Variants in RNF144A observed in about 807,000 individuals in gnomAD.
The protein encoded by RNF144A is E3 ubiquitin-protein ligase RNF144A.
A neutral mutation model predicts 38.7 loss-of-function variants in RNF144A; 11 were observed. That is an observed-to-expected ratio of 0.28 (90% CI 0.18 to 0.47). The LOEUF (loss-of-function observed/expected upper bound fraction) is 0.47, where lower values mean the gene tolerates loss of function less well. RNF144A is among the 20% of genes least tolerant of loss of function. RNF144A has a pLI of 0.99. For missense variants in RNF144A, 316 were observed against 377.2 expected, an observed-to-expected ratio of 0.84 and a Z score of 1.34; for synonymous variants, 149 against 143.9, an observed-to-expected ratio of 1.04 and a Z score of -0.25.
intron 7 of RNF144A, among the ~76,000 whole-genome samples, chr2:7,028,052 C>T (rs1036068773): frequency 3.9e-5 from 6 of 152,130 alleles, no homozygotes; most frequent in African/African-American, 1.2e-4. Flanking sequence ...CCCCATAAGG[C>T]ACGATCCGGA....
chr2:7,070,717 G>A (rs1674442254), downstream of RNF144A, among the ~76,000 whole-genome samples: 1 of 152,124 alleles, frequency 6.6e-6, no homozygotes, highest in African/African-American at 2.4e-5. Flanking sequence ...TGCACTGAGA[G>A]CACGCCATAC....
chr2:6,969,650 C>T (rs966475428), intron 2 of RNF144A, among the ~76,000 whole-genome samples: 1 of 152,214 alleles, frequency 6.6e-6, no homozygotes, highest in Non-Finnish European at 1.5e-5. Context: ...GAGTATGAAA[C>T]GTTGAGTGCT....
At chr2:6,921,399 G>A (rs1382616151) in intron 1 of RNF144A, among the ~76,000 whole-genome samples, 1 of 152,194 alleles carries the variant, frequency 6.6e-6, no homozygotes, top group Non-Finnish European at 1.5e-5. Context: ...TGGAGGAGGT[G>A]GTTGATACTC....
At chr2:6,966,661 G>A (rs1437072230) in intron 2 of RNF144A, among the ~76,000 whole-genome samples, 1 of 152,204 alleles carries the variant, frequency 6.6e-6, no homozygotes, top group African/African-American at 2.4e-5. Context: ...TTGAAATACA[G>A]TAAATATTGG....
At chr2:6,974,555 T>C (rs192283077) in intron 2 of RNF144A, among the ~76,000 whole-genome samples, 34 of 152,112 alleles carry the variant, frequency 2.2e-4, no homozygotes, top group Admixed American at 4.6e-4. Context: ...GAATTAACAC[T>C]GCTTTTTTTT....
chr2:6,926,911 T>C (rs542203901), intron 1 of RNF144A, among the ~76,000 whole-genome samples: 44 of 152,202 alleles, frequency 2.9e-4, no homozygotes, highest in Non-Finnish European at 5.7e-4. Flanking sequence ...AGGTGAGGAC[T>C]TGCAGAGAGG....
chr2:6,987,842 T>C (rs1669052453), intron 2 of RNF144A, among the ~76,000 whole-genome samples: 1 of 152,250 alleles, frequency 6.6e-6, no homozygotes, highest in Non-Finnish European at 1.5e-5. Context: ...TACATTGAAA[T>C]GACTAAGAGC....
At chr2:6,990,154 T>A (rs1457282440) in intron 2 of RNF144A, among the ~76,000 whole-genome samples, 1 of 152,130 alleles carries the variant, frequency 6.6e-6, no homozygotes, top group Non-Finnish European at 1.5e-5. Context: ...CTTGCAGTTC[T>A]GGAGGCTGGA....
intron 6 of RNF144A, among the ~76,000 whole-genome samples, chr2:7,058,458 T>C (rs913378055): frequency 6.6e-6 from 1 of 152,054 alleles, no homozygotes; most frequent in African/African-American, 2.4e-5. Flanking sequence ...TTGAACATCA[T>C]AACTATCATC....
At chr2:6,967,212 C>T (rs1667725583) in intron 2 of RNF144A, among the ~76,000 whole-genome samples, 1 of 152,346 alleles carries the variant, frequency 6.6e-6, no homozygotes, top group East Asian at 1.9e-4. Flanking sequence ...CTTTACCCAT[C>T]ACTATGCATG....
downstream of RNF144A, among the ~76,000 whole-genome samples, chr2:7,045,232 C>G (rs377481910): frequency 1.3e-5 from 2 of 152,168 alleles, no homozygotes; most frequent in Admixed American, 1.3e-4. Flanking sequence ...CACAGTGTGC[C>G]GAACTCAGGA....
intron 2 of RNF144A, among the ~76,000 whole-genome samples, chr2:6,961,273 T>A (rs144663493): frequency 6.6e-6 from 1 of 152,324 alleles, no homozygotes; most frequent in Non-Finnish European, 1.5e-5. Flanking sequence ...ATTATCTTTA[T>A]GATAATAAAT....
intron 8 of RNF144A, among the ~76,000 whole-genome samples, chr2:7,038,516 G>C (rs1198720285): frequency 6.6e-6 from 1 of 152,194 alleles, no homozygotes. Flanking sequence ...TCTGGGTCAG[G>C]GTGGCTGCTG....
chr2:6,940,383 C>T (rs546953303), intron 1 of RNF144A, among the ~76,000 whole-genome samples: 20 of 152,236 alleles, frequency 1.3e-4, no homozygotes, highest in Admixed American at 5.2e-4. Context: ...CAACCAATTC[C>T]TGCCCTTGAA....
At position 7,041,053 on chromosome 2, in the gene RNF144A, A is replaced by G. The variant is rs1673015189; in HGVS notation, c.*1293A>G. 1.0e-6 allele frequency: 1 copy of G among 985,290 alleles called. No homozygotes were observed. Among genetic ancestry groups the G allele is most frequent in the Admixed American group, 6.1e-5 (1 of 16,262 alleles). 61.0% of individuals were successfully genotyped at this position (985,290 alleles called of 1,614,324 possible). The stretch of plus-strand genomic sequence containing the variant: ...TGGAGAAAGTGTATTCTTTAAAGAG[A>G]ATTTACTTCTAAAAGCCACAGGTGC... On this transcript the variant is annotated 3_prime_UTR_variant, in exon 9 of 9. Coordinates refer to ENST00000320892, the MANE Select transcript of RNF144A (RefSeq NM_014746.6).
chr2:7,024,344 A>T, intron 6 of RNF144A, 25 bp from the exon 7 acceptor site: 2 of 1,579,694 alleles, frequency 1.3e-6, no homozygotes, highest in Non-Finnish European at 1.7e-6. Context: ...GTTTGTGCAG[A>T]GTCCTCACGG....
chr2:6,918,169 C>T (rs1664262987), intron 1 of RNF144A: 1 of 152,268 alleles, frequency 6.6e-6, no homozygotes, highest in African/African-American at 2.4e-5. Context: ...GGATGCCCCG[C>T]ACATCCCCTG....
At chr2:7,067,595 C>T (rs1046186391) in intron 6 of RNF144A, among the ~76,000 whole-genome samples, 2 of 152,144 alleles carry the variant, frequency 1.3e-5, no homozygotes, top group Non-Finnish European at 2.9e-5. Context: ...TTGGAACTAT[C>T]AAGTCCCAAC....
chr2:6,972,390 C>G (rs1668049958), intron 2 of RNF144A, among the ~76,000 whole-genome samples: 1 of 152,202 alleles, frequency 6.6e-6, no homozygotes, highest in Non-Finnish European at 1.5e-5. Context: ...CCCACTTACC[C>G]TCTTTAACTG....
Sources: allele counts gnomAD v4.1 joint callset (sites outside exome capture counted in the v4.1 genomes callset), GRCh38; gene constraint gnomAD v4.1.1; transcripts MANE v1.5; gene names NCBI Gene and HGNC (gene_info 2026-07-23, HGNC 2026-07-21).